The following RHOT1 variants were observed in gnomAD, a reference collection of about 807,000 sequenced individuals.
The protein encoded by RHOT1 is ras homolog family member T1, also known as mitochondrial Rho GTPase 1.
Under a neutral mutation model 95.3 loss-of-function variants are expected in RHOT1, and 27 were observed. The observed-to-expected ratio is 0.28, with a 90% CI of 0.21 to 0.39. The LOEUF (loss-of-function observed/expected upper bound fraction) is 0.39. Among genes scored for constraint, RHOT1 ranks in the 10% least tolerant of loss-of-function variants. The pLI is 1.00. For missense variants in RHOT1, 578 were observed against 786.7 expected, an observed-to-expected ratio of 0.73 and a Z score of 3.17; for synonymous variants, 227 against 263.5, an observed-to-expected ratio of 0.86 and a Z score of 1.34.
At chr17:32,176,540 A>T (rs2035016873) in intron 6 of RHOT1, among the ~76,000 whole-genome samples, 1 of 144,026 alleles carries the variant, frequency 6.9e-6, no homozygotes, top group African/African-American at 2.6e-5. Context: ...GAAAAGTCTC[A>T]GTTTTATTTA....
chr17:32,198,235 G>C (rs1411521139), intron 11 of RHOT1, among the ~76,000 whole-genome samples: 1 of 152,126 alleles, frequency 6.6e-6, no homozygotes, highest in East Asian at 1.9e-4. Flanking sequence ...CAGAATTTAG[G>C]GTGGGTCCAA....
At position 32,183,197 on chromosome 17, in the gene RHOT1, A is replaced by T; in HGVS notation, c.465A>T (p.Ile155=). Residue 155 remains isoleucine, a synonymous_variant, in exon 8 of 20, where the codon ATA becomes ATT. Transcript: ENST00000545287. ...VECSAKNLKN[I]SELFYYAQKA... is the part of the protein sequence containing the mutation. ...GTTCAGCGAAAAACCTGAAGAACAT[A>T]TCAGAGCTCTTTTATTACGCACAGA... 1 of 1,577,484 alleles carries T rather than the reference A, an allele frequency of 6.3e-7. No homozygotes were observed. The highest frequency in any genetic ancestry group is 1.2e-5 in the South Asian group (1 of 85,178).
chr17:32,151,041 G>A (rs1483369000), intron 1 of RHOT1: 7 of 1,431,988 alleles, frequency 4.9e-6, no homozygotes, highest in Admixed American at 3.8e-5. Flanking sequence ...AGGGGAGATT[G>A]TGGTCTGTTC....
chr17:32,144,094 G>T (rs745929905), intron 1 of RHOT1, among the ~76,000 whole-genome samples: 7 of 152,212 alleles, frequency 4.6e-5, no homozygotes, highest in Non-Finnish European at 7.3e-5. Context: ...GTTCAGGAAG[G>T]TGTTATTTAA....
At chr17:32,159,510 C>CCT (rs2033327806) in intron 1 of RHOT1, 1 of 152,472 alleles carries the variant, frequency 6.6e-6, no homozygotes, top group Non-Finnish European at 1.5e-5. Context: ...TGGACCCAGG[C>CCT]ATCTCTGCAG....
Position 32,152,201 on chromosome 17 carries a change from A to G in RHOT1, c.37+9472A>G, listed in dbSNP as rs2032398151. On this transcript the variant is annotated intron_variant, in intron 1 of 19. Coordinates refer to ENST00000545287, the MANE Select transcript of RHOT1 (RefSeq NM_001033566.3). ...AAGCTACTTGATTATTGTTGTCTTTACGACACCTTCTCTCCTGCCAGAGTG... is the reference window on the plus strand; with the variant it reads ...AAGCTACTTGATTATTGTTGTCTTTGCGACACCTTCTCTCCTGCCAGAGTG... 3.3e-5 allele frequency among the ~76,000 whole-genome samples: 5 copies of G among 152,238 alleles called. 1 individual carries two copies. The South Asian group carries it at 1.0e-3, about 31-fold the overall frequency.
intron 6 of RHOT1, among the ~76,000 whole-genome samples, chr17:32,182,376 C>T (rs2035709953): frequency 6.6e-6 from 1 of 151,964 alleles, no homozygotes. Context: ...GTCCTAGCTA[C>T]TAGGGAGGCT....
In RHOT1 at chr17:32,194,128, T is replaced by G. The variant is rs1255744880; in HGVS notation, c.869+21T>G. ...CCCCTGTATGTACCTTTGTTTTTTTTGTTGTTGTTGTTGTTTAATTTTTTA... is the reference window on the plus strand; with the variant it reads ...CCCCTGTATGTACCTTTGTTTTTTTGGTTGTTGTTGTTGTTTAATTTTTTA... On this transcript the variant is annotated intron_variant, in intron 11 of 19. Coordinates refer to ENST00000545287, the MANE Select transcript of RHOT1 (RefSeq NM_001033566.3). 3 of 1,602,878 alleles carry G rather than the reference T, an allele frequency of 1.9e-6. No individual in the cohort carries two copies. The African/African-American group carries it at 4.0e-5, about 22-fold the overall frequency.
intron 9 of RHOT1, among the ~76,000 whole-genome samples, chr17:32,192,702 C>T (rs547328418): frequency 6.9e-6 from 1 of 144,222 alleles, no homozygotes; most frequent in South Asian, 2.2e-4. Flanking sequence ...GATAGAGTCT[C>T]GCTCTGTCAC....
intron 17 of RHOT1, 80 bp downstream of exon 17, chr17:32,207,109 C>G (rs2037814576): frequency 2.3e-6 from 3 of 1,283,684 alleles, no homozygotes; most frequent in Non-Finnish European, 3.2e-6. Context: ...GTTTCCTAAC[C>G]ACAAAAATGC....
rs1374636518 is a variant in RHOT1, at chr17:32,182,807, G to A, written c.380G>A (p.Ser127Asn). 1 of 1,609,074 alleles carries A rather than the reference G, an allele frequency of 6.2e-7. No individual in the cohort carries two copies. The highest frequency in any genetic ancestry group is 1.7e-4 in the Middle Eastern group (1 of 6,056). Residue 127 changes from serine to asparagine, a missense_variant, in exon 7 of 20, where the codon AGT becomes AAT. By Grantham distance (46) the Ser-to-Asn change is conservative. This residue lies in a region of RHOT1 where 227 missense variants were observed against 316.0 expected (regional missense o/e 0.72). Transcript: ENST00000545287. Reference protein sequence around the residue: ...GNKSDLVEYSSMETILPIMNQ... With the variant: ...GNKSDLVEYSNMETILPIMNQ... ...AAATCTGATCTGGTGGAATATAGTA[G>A]TATGGAGACCATCCTTCCTATTATG... is the stretch of plus-strand genomic sequence containing the variant.
intron 1 of RHOT1, 104 bp from the exon 2 acceptor site, chr17:32,170,939 C>T (rs1285412170): frequency 3.1e-6 from 2 of 648,022 alleles, no homozygotes; most frequent in South Asian, 2.1e-5. Flanking sequence ...ATTTGGATGC[C>T]TTAGATTTTA....
intron 19 of RHOT1, among the ~76,000 whole-genome samples, chr17:32,220,796 ACT>A (rs1288693016): frequency 2.3e-5 from 3 of 132,490 alleles, no homozygotes; most frequent in South Asian, 2.4e-4. Context: ...AGATTGCGAG[ACT>A]CTGTCTCAAA....
At chr17:32,218,532 GCA>G (rs1048360306) in intron 19 of RHOT1, among the ~76,000 whole-genome samples, 15 of 150,732 alleles carry the variant, frequency 1.0e-4, no homozygotes, top group African/African-American at 3.2e-4. Context: ...ACAGAGCTGG[GCA>G]CAGTGTTTCA....
chr17:32,161,857 C>T (rs2033589977), intron 1 of RHOT1, among the ~76,000 whole-genome samples: 2 of 152,098 alleles, frequency 1.3e-5, no homozygotes, highest in South Asian at 4.1e-4. Flanking sequence ...GAGTGAGTCA[C>T]AAAACTCGGG....
In RHOT1 at chr17:32,175,982, G is replaced by A; in HGVS notation, c.243G>A (p.Val81=). The part of the protein sequence containing the change: ...EISQANVICI[V]YAVNNKHSID... Reference sequence around the variant, plus strand: ...TCTAGGCTAATGTCATCTGTATAGTGTATGCCGTTAACAACAAGCATTCTA... The same window carrying A: ...TCTAGGCTAATGTCATCTGTATAGTATATGCCGTTAACAACAAGCATTCTA... The change falls in exon 5 of 20, where the codon GTG becomes GTA. Residue 81 remains valine, a synonymous_variant. Coordinates refer to ENST00000545287, the MANE Select transcript of RHOT1 (RefSeq NM_001033566.3). 9 of 1,601,930 alleles carry A rather than the reference G, an allele frequency of 5.6e-6. No homozygotes were observed. The highest frequency in any genetic ancestry group is 7.7e-6 in the Non-Finnish European group (9 of 1,175,980).
intron 13 of RHOT1, among the ~76,000 whole-genome samples, chr17:32,200,200 T>C (rs1424735574): frequency 1.3e-5 from 2 of 152,180 alleles, no homozygotes; most frequent in African/African-American, 4.8e-5. Context: ...TATATATTTT[T>C]ATCATTTTTG....
intron 6 of RHOT1, among the ~76,000 whole-genome samples, chr17:32,180,900 G>A (rs1048532472): frequency 6.6e-6 from 1 of 152,178 alleles, no homozygotes; most frequent in African/African-American, 2.4e-5. Context: ...ATCCAGGATA[G>A]TTTTGAGCTC....
At chr17:32,190,181 C>T (rs2036380034) in intron 8 of RHOT1, among the ~76,000 whole-genome samples, 1 of 152,042 alleles carries the variant, frequency 6.6e-6, no homozygotes, top group African/African-American at 2.4e-5. Flanking sequence ...GTTGGCCGGG[C>T]GCAATGGATC....
Sources: allele counts gnomAD v4.1 joint callset (sites outside exome capture counted in the v4.1 genomes callset), GRCh38; gene constraint gnomAD v4.1.1; regional missense constraint gnomAD v4.1.1; transcripts MANE v1.5; gene names NCBI Gene and HGNC (gene_info 2026-07-23, HGNC 2026-07-21).